MRAS: variants seen among roughly 807,000 people sequenced by gnomAD.
MRAS encodes the protein muscle RAS oncogene homolog, also known as ras-related protein M-Ras.
In MRAS, 4 loss-of-function variants were observed where a neutral mutation model predicts 20.9. The ratio of observed to expected loss-of-function variants is 0.19; its 90% CI spans 0.09 to 0.44. MRAS has a LOEUF of 0.44. MRAS is among the 20% of genes least tolerant of loss of function. The pLI, the probability that MRAS is intolerant of heterozygous loss-of-function variation, is 0.99. For synonymous variants in MRAS, 98 were observed against 102.9 expected (o/e 0.95, Z 0.29); for missense variants, 154 against 277.5 (o/e 0.56, Z 3.16).
chr3:138,363,885 C>T (rs1576348955), intron 1 of MRAS, among the ~76,000 whole-genome samples: 1 of 125,304 alleles, frequency 8.0e-6, no homozygotes, highest in Non-Finnish European at 1.6e-5. Flanking sequence ...GAGAGCTCTT[C>T]TGGATTTAGA....
At chr3:138,400,088 C>T (rs1311225204) in intron 4 of MRAS, 1 of 156,794 alleles carries the variant, frequency 6.4e-6, no homozygotes, top group Non-Finnish European at 1.4e-5. Flanking sequence ...CACCTGGGCC[C>T]AGAATCCTGG....
At chr3:138,366,843 A>G (rs141909098) in intron 1 of MRAS, among the ~76,000 whole-genome samples, 46 of 152,288 alleles carry the variant, frequency 3.0e-4, no homozygotes, top group Middle Eastern at 3.4e-3. Context: ...TTTGGAAGTG[A>G]TGCTGGGTGG....
At chr3:138,380,281 C>T (rs956365022) in intron 2 of MRAS, among the ~76,000 whole-genome samples, 4 of 151,170 alleles carry the variant, frequency 2.6e-5, no homozygotes, top group Non-Finnish European at 5.9e-5. Flanking sequence ...CCCCATTTTC[C>T]CCTCTCCTCA....
intron 2 of MRAS, among the ~76,000 whole-genome samples, chr3:138,390,542 G>T (rs2055111498): frequency 6.6e-6 from 1 of 152,198 alleles, no homozygotes; most frequent in African/African-American, 2.4e-5. Context: ...ATGACATCAG[G>T]CATGGGGAAT....
intron 1 of MRAS, among the ~76,000 whole-genome samples, chr3:138,362,318 C>G (rs569622341): frequency 5.9e-5 from 9 of 152,310 alleles, no homozygotes; most frequent in Admixed American, 4.6e-4. Flanking sequence ...ATCCCAGCTT[C>G]TCTTTTCACT....
intron 2 of MRAS, among the ~76,000 whole-genome samples, chr3:138,393,265 G>A (rs1199328): frequency 0.85 from 128,761 of 152,226 alleles, 54,721 homozygotes; most frequent in East Asian, 0.98. Flanking sequence ...GGGTCTCACT[G>A]TGTTGCCCAG....
chr3:138,376,554 G>A (rs756978135), intron 2 of MRAS, among the ~76,000 whole-genome samples: 40 of 152,316 alleles, frequency 2.6e-4, no homozygotes, highest in Non-Finnish European at 5.6e-4. Context: ...CAATATATGT[G>A]TAGTGAAAGG....
intron 2 of MRAS, among the ~76,000 whole-genome samples, chr3:138,373,891 T>TTATTTATG (rs2054725496): frequency 6.6e-6 from 1 of 150,892 alleles, no homozygotes; most frequent in Non-Finnish European, 1.5e-5. Flanking sequence ...ATTTATTTAT[T>TTATTTATG]TATTTATTTA....
intron 1 of MRAS, among the ~76,000 whole-genome samples, chr3:138,362,666 C>T (rs181296563): frequency 3.4e-4 from 52 of 152,284 alleles, no homozygotes; most frequent in Admixed American, 1.6e-3. Flanking sequence ...GGGCAGGGTC[C>T]GGGGGCCTCC....
At chr3:138,366,694 G>A (rs1576352046) in intron 1 of MRAS, among the ~76,000 whole-genome samples, 1 of 152,240 alleles carries the variant, frequency 6.6e-6, no homozygotes, top group African/African-American at 2.4e-5. Context: ...AAGAATTGGA[G>A]GCAGTGTGGC....
chr3:138,400,722 G>T, intron 5 of MRAS, 109 bp downstream of exon 5: 1 of 906,598 alleles, frequency 1.1e-6, no homozygotes, highest in East Asian at 2.5e-5. Flanking sequence ...TGAGGCTGTG[G>T]AATTCTGGGC....
At chr3:138,353,626 A>T (rs188303440) in intron 1 of MRAS, among the ~76,000 whole-genome samples, 1 of 152,178 alleles carries the variant, frequency 6.6e-6, no homozygotes, top group African/African-American at 2.4e-5. Context: ...TAGTTTAAAA[A>T]CAGCCCCTCT....
chr3:138,398,697 G>A, intron 4 of MRAS, 129 bp downstream of exon 4: 1 of 773,516 alleles, frequency 1.3e-6, no homozygotes, highest in Admixed American at 2.6e-5. Context: ...TTTAAGTCTT[G>A]TTGCTACTGA....
intron 2 of MRAS, among the ~76,000 whole-genome samples, chr3:138,393,344 C>T (rs1161148104): frequency 6.6e-6 from 1 of 152,212 alleles, no homozygotes; most frequent in African/African-American, 2.4e-5. Context: ...GGATTATAGG[C>T]TTGAACTTAC....
At chr3:138,377,455 A>C (rs2054807872) in intron 2 of MRAS, among the ~76,000 whole-genome samples, 2 of 152,210 alleles carry the variant, frequency 1.3e-5, no homozygotes, top group Admixed American at 1.3e-4. Context: ...AAATACAAAA[A>C]AAATTAGCCA....
In MRAS at chr3:138,403,172, G is replaced by T. The variant is rs2055394193; in HGVS notation, c.*903G>T. On this transcript the variant is annotated 3_prime_UTR_variant, in exon 6 of 6. Coordinates refer to ENST00000423968, the MANE Select transcript of MRAS (RefSeq NM_001085049.3). ...TGTTCATTTGTTTTTCAGACAGTAT[G>T]GGTTAAGTTCTCTGCCCTCCCCAGG... The T allele has an allele frequency of 6.6e-6, 1 of 152,272 alleles. No individual in the cohort carries two copies. Among genetic ancestry groups the T allele is most frequent in the Non-Finnish European group, 1.5e-5 (1 of 68,018 alleles). The allele number at this position is 152,272 out of a possible 1,614,324, so 9.4% of individuals were successfully genotyped here.
Position 138,402,394 on chromosome 3 carries a change from GA to G in MRAS, c.*127del. 2 of 836,870 alleles carry G rather than the reference GA, an allele frequency of 2.4e-6. No homozygotes were observed. The highest frequency in any genetic ancestry group is 3.8e-6 in the Non-Finnish European group (2 of 530,746). 51.8% of individuals were successfully genotyped at this position (836,870 alleles called of 1,614,324 possible). ...CCCAAGGACTTGGTACAGGAAGGGA[GA>G]AGGGCAGGTGGGCAGGGAGCAGACA... On this transcript the variant is annotated 3_prime_UTR_variant, in exon 6 of 6. Coordinates refer to ENST00000423968, the MANE Select transcript of MRAS (RefSeq NM_001085049.3).
chr3:138,354,383 G>C (rs935566354), intron 1 of MRAS, among the ~76,000 whole-genome samples: 2 of 152,196 alleles, frequency 1.3e-5, no homozygotes, highest in African/African-American at 4.8e-5. Context: ...CTCATCCTTT[G>C]CCCTGGCCAG....
rs377378948 is a variant in MRAS, at chr3:138,372,851, G to A, written c.-18-15G>A. ...AAAAGCCCTCTGTCTCATTCCACATGTCTTGCTGCCGCAGGTCTGACCTAC... is the reference window on the plus strand; with the variant it reads ...AAAAGCCCTCTGTCTCATTCCACATATCTTGCTGCCGCAGGTCTGACCTAC... On this transcript the variant is annotated splice_polypyrimidine_tract_variant and intron_variant, in intron 1 of 5. Transcript: ENST00000423968. 1.5e-5 allele frequency: 22 copies of A among 1,488,980 alleles called. No homozygotes were observed. Among genetic ancestry groups the A allele is most frequent in the Non-Finnish European group, 2.0e-5 (22 of 1,124,378 alleles). The allele number at this position is 1,488,980 out of a possible 1,614,324, so 92.2% of individuals were successfully genotyped here. A position where few individuals can be genotyped will look rare whatever the true frequency, so the allele number is the denominator to read the frequency against.
Sources: gnomAD v4.1 joint callset for allele counts (sites outside exome capture counted in the v4.1 genomes callset) on GRCh38, gnomAD v4.1.1 for gene constraint, MANE v1.5 for transcripts, NCBI Gene and HGNC (gene_info 2026-07-23, HGNC 2026-07-21) for gene names.